The following GFRAL variants were observed in gnomAD, a reference collection of about 807,000 sequenced individuals.
GFRAL encodes GDNF family receptor alpha-like.
In GFRAL, 36 loss-of-function variants were observed where a neutral mutation model predicts 45.4. The ratio of observed to expected loss-of-function variants is 0.79; its 90% confidence interval spans 0.61 to 1.05. The LOEUF is 1.05. Among genes scored for constraint, GFRAL ranks in the 50% least tolerant of loss-of-function variants. The probability of loss-of-function intolerance (pLI) is 0.00; values close to 1 mark genes in which losing one functional copy is unlikely to be tolerated. For missense variants in GFRAL, 507 were observed against 467.5 expected (o/e 1.08, Z -0.78); for synonymous variants, 166 against 154.1 (o/e 1.08, Z -0.57).
chr6:55,336,399 A>G (rs554080965), intron 3 of GFRAL, among the ~76,000 whole-genome samples: 3 of 152,326 alleles, frequency 2.0e-5, no homozygotes, highest in South Asian at 2.1e-4. Context: ...TCATTTATTT[A>G]TAACTTCATT....
intron 6 of GFRAL, among the ~76,000 whole-genome samples, chr6:55,368,725 C>T (rs1581751581): frequency 6.6e-6 from 1 of 152,286 alleles, no homozygotes; most frequent in South Asian, 2.1e-4. Context: ...TCTGCCCCTG[C>T]TGGGGGGTGC....
chr6:55,379,329 G>A (rs1768575560), intron 6 of GFRAL, among the ~76,000 whole-genome samples: 3 of 151,680 alleles, frequency 2.0e-5, no homozygotes, highest in Non-Finnish European at 2.9e-5. Flanking sequence ...TCCCCCATCA[G>A]GGAGACCCCA....
At chr6:55,389,512 C>T (rs1561866904) in intron 6 of GFRAL, among the ~76,000 whole-genome samples, 2 of 152,064 alleles carry the variant, frequency 1.3e-5, no homozygotes. Context: ...TTACCCTCTG[C>T]AAGTTACCTT....
chr6:55,346,875 A>G (rs967861003), intron 3 of GFRAL, among the ~76,000 whole-genome samples: 1 of 142,484 alleles, frequency 7.0e-6, no homozygotes, highest in Non-Finnish European at 1.5e-5. Context: ...AGTGATGAAG[A>G]AAAATATCAC....
At chr6:55,348,957 G>C (rs958646443) in intron 3 of GFRAL, among the ~76,000 whole-genome samples, 3 of 151,998 alleles carry the variant, frequency 2.0e-5, no homozygotes, top group Admixed American at 2.0e-4. Flanking sequence ...TTTTGTACCT[G>C]TTACAAAAGC....
chr6:55,339,332 T>A (rs906571881), intron 3 of GFRAL, among the ~76,000 whole-genome samples: 7 of 151,886 alleles, frequency 4.6e-5, no homozygotes, highest in Non-Finnish European at 8.8e-5. Context: ...AATGTTGGTA[T>A]TTTTTTTCTA....
chr6:55,357,857 A>C (rs975977442), intron 5 of GFRAL, among the ~76,000 whole-genome samples: 1 of 151,792 alleles, frequency 6.6e-6, no homozygotes, highest in Non-Finnish European at 1.5e-5. Flanking sequence ...AATAAATAGC[A>C]TGTAGGTACA....
chr6:55,331,274 T>C (rs1019090749), intron 1 of GFRAL, among the ~76,000 whole-genome samples: 7 of 152,138 alleles, frequency 4.6e-5, no homozygotes, highest in Non-Finnish European at 8.8e-5. Context: ...ATTTTAGCTA[T>C]GGTCAGAAAA....
In GFRAL at chr6:55,347,107, A is replaced by G. The variant is rs927578545; in HGVS notation, c.317-2985A>G. On this transcript the variant is annotated intron_variant, in intron 3 of 8. Coordinates refer to ENST00000340465, the MANE Select transcript of GFRAL (RefSeq NM_207410.2). ...TAAAAGAAGAAAGGACGAAAAGACA[A>G]TAACAAGAAACTGTTCCTTTATCTG... Among the ~76,000 whole-genome samples the G allele has an allele frequency of 7.9e-5, 12 of 152,254 alleles. No individual in the cohort carries two copies. In the South Asian group the frequency reaches 1.0e-3, roughly 13 times the overall value.
intron 6 of GFRAL, among the ~76,000 whole-genome samples, chr6:55,380,832 A>G (rs1288197462): frequency 1.3e-5 from 2 of 151,994 alleles, no homozygotes; most frequent in Non-Finnish European, 2.9e-5. Context: ...CTTGAATTCA[A>G]TAGCTTTTCC....
chr6:55,373,311 G>A (rs1382356869), intron 6 of GFRAL, among the ~76,000 whole-genome samples: 2 of 152,042 alleles, frequency 1.3e-5, no homozygotes, highest in Non-Finnish European at 2.9e-5. Flanking sequence ...TCTGAAATAG[G>A]TTTGGCGGAG....
chr6:55,343,741 T>A (rs1768001708), intron 3 of GFRAL, among the ~76,000 whole-genome samples: 1 of 152,128 alleles, frequency 6.6e-6, no homozygotes, highest in South Asian at 2.1e-4. Flanking sequence ...ATCCAGTAAC[T>A]GGTTTTTTGA....
At chr6:55,378,341 A>T (rs946132347) in intron 6 of GFRAL, among the ~76,000 whole-genome samples, 3 of 152,068 alleles carry the variant, frequency 2.0e-5, no homozygotes, top group Non-Finnish European at 4.4e-5. Context: ...TCTTTCAAGT[A>T]GAAAGGTTAC....
rs533242143 is a variant in GFRAL, at chr6:55,367,393, C to T, written c.952+8255C>T. Among the ~76,000 whole-genome samples the T allele has an allele frequency of 1.7e-4, 24 of 144,356 alleles. 1 individual carries two copies. Among genetic ancestry groups the T allele is most frequent in the Admixed American group, 6.8e-4 (10 of 14,718 alleles). 94.7% of individuals were successfully genotyped at this position (144,356 alleles called of 152,430 possible). A position where few individuals can be genotyped will look rare whatever the true frequency, so the allele number is the denominator to read the frequency against. Reference sequence around the variant, plus strand: ...ACGCTGATGGGTCTTGACTCTTGATCCAATTTGCCAGTCTGTGTTTTTTAA... The same window carrying T: ...ACGCTGATGGGTCTTGACTCTTGATTCAATTTGCCAGTCTGTGTTTTTTAA... On this transcript the variant is annotated intron_variant, in intron 6 of 8. Transcript: ENST00000340465.
intron 1 of GFRAL, among the ~76,000 whole-genome samples, chr6:55,328,223 A>G (rs1581895560): frequency 6.6e-6 from 1 of 152,066 alleles, no homozygotes; most frequent in East Asian, 1.9e-4. Context: ...TTAATGTAGA[A>G]TCCATGAATC....
intron 6 of GFRAL, among the ~76,000 whole-genome samples, chr6:55,366,014 G>T (rs1285854002): frequency 5.3e-5 from 8 of 150,730 alleles, no homozygotes; most frequent in African/African-American, 1.7e-4. Flanking sequence ...CAGAAGGAAT[G>T]GTACCAGTTC....
At chr6:55,392,333 A>C (rs192592731) in intron 6 of GFRAL, among the ~76,000 whole-genome samples, 1 of 152,216 alleles carries the variant, frequency 6.6e-6, no homozygotes, top group Non-Finnish European at 1.5e-5. Flanking sequence ...ATTGATTGTC[A>C]TTATGCTAGC....
chr6:55,383,506 A>G (rs555100343), intron 6 of GFRAL, among the ~76,000 whole-genome samples: 7 of 152,094 alleles, frequency 4.6e-5, no homozygotes, highest in African/African-American at 1.7e-4. Flanking sequence ...TTACACGTTG[A>G]CTACAGTATT....
chr6:55,329,652 T>C (rs745698720), intron 1 of GFRAL, among the ~76,000 whole-genome samples: 15 of 152,098 alleles, frequency 9.9e-5, no homozygotes, highest in Non-Finnish European at 1.8e-4. Flanking sequence ...CTTGGCTAGA[T>C]GAGGTTGTCC....
Sources: allele counts gnomAD v4.1 joint callset (sites outside exome capture counted in the v4.1 genomes callset), GRCh38; gene constraint gnomAD v4.1.1; transcripts MANE v1.5; gene names NCBI Gene and HGNC (gene_info 2026-07-23, HGNC 2026-07-21).